Variants in GMDS observed in about 807,000 individuals in gnomAD.
GMDS encodes the protein GDP-mannose 4,6-dehydratase, also known as GDP-mannose 4,6 dehydratase.
A neutral mutation model predicts 49.9 loss-of-function variants in GMDS; 20 were observed. That is an observed-to-expected ratio of 0.40 (90% confidence interval 0.28 to 0.58). The LOEUF is 0.58. Among genes scored for constraint, GMDS ranks in the 20% least tolerant of loss-of-function variants. GMDS has a pLI of 0.42. For missense variants in GMDS, 362 were observed against 481.4 expected, an observed-to-expected ratio of 0.75 and a Z score of 2.32; for synonymous variants, 177 against 178.6, an observed-to-expected ratio of 0.99 and a Z score of 0.07.
intron 4 of GMDS, among the ~76,000 whole-genome samples, chr6:2,005,462 C>T (rs1767102046): frequency 1.3e-5 from 2 of 152,162 alleles, no homozygotes; most frequent in African/African-American, 4.8e-5. Context: ...GAGTTGCATC[C>T]TAAATCAACT....
At chr6:2,066,889 G>C (rs534088410) in intron 4 of GMDS, among the ~76,000 whole-genome samples, 9 of 151,880 alleles carry the variant, frequency 5.9e-5, no homozygotes, top group Non-Finnish European at 1.0e-4. Flanking sequence ...CCCAGGAATT[G>C]AACTCAGCTC....
chr6:2,112,422 A>G (rs1044898297), intron 4 of GMDS, among the ~76,000 whole-genome samples: 2 of 152,158 alleles, frequency 1.3e-5, no homozygotes, highest in African/African-American at 4.8e-5. Context: ...AGAAACCTGA[A>G]ACACTAGAAC....
chr6:1,936,874 C>T (rs371399475), intron 6 of GMDS, among the ~76,000 whole-genome samples: 3 of 149,364 alleles, frequency 2.0e-5, no homozygotes, highest in African/African-American at 5.0e-5. Flanking sequence ...GGCTGAGGCA[C>T]GAAAATCATT....
At position 2,157,204 on chromosome 6, in the gene GMDS, A is replaced by G. The variant is rs58755559; in HGVS notation, c.103-32473T>C. ...TTACTTGACATCTTATTAACATGAA[A>G]GTTCTAATTTCAGTATGATTGGGCA... On this transcript the variant is annotated intron_variant, in intron 1 of 10. Transcript: ENST00000380815. Among the ~76,000 whole-genome samples the G allele has an allele frequency of 2.9e-3, 440 of 152,316 alleles. 1 individual carries two copies. Among genetic ancestry groups the G allele is most frequent in the African/African-American group, 0.01 (419 of 41,568 alleles).
chr6:1,982,834 T>C (rs1252121050), intron 4 of GMDS, among the ~76,000 whole-genome samples: 1 of 152,176 alleles, frequency 6.6e-6, no homozygotes, highest in East Asian at 1.9e-4. Context: ...GCTATTCCCA[T>C]TAAACTACCA....
At chr6:1,746,286 C>T (rs1190134048) in intron 7 of GMDS, among the ~76,000 whole-genome samples, 1 of 152,140 alleles carries the variant, frequency 6.6e-6, no homozygotes, top group African/African-American at 2.4e-5. Flanking sequence ...TTTTGGTGTC[C>T]TTTGAGGATG....
chr6:1,726,076 C>A (rs1281404365), intron 9 of GMDS, among the ~76,000 whole-genome samples: 1 of 152,148 alleles, frequency 6.6e-6, no homozygotes, highest in Non-Finnish European at 1.5e-5. Flanking sequence ...TCTGGGACAG[C>A]GTTGTTAAGT....
At chr6:1,864,939 T>C (rs989080819) in intron 7 of GMDS, among the ~76,000 whole-genome samples, 21 of 152,368 alleles carry the variant, frequency 1.4e-4, no homozygotes, top group African/African-American at 5.1e-4. Flanking sequence ...TTGTTTCCTT[T>C]GCCTTGTTTT....
intron 4 of GMDS, among the ~76,000 whole-genome samples, chr6:1,967,355 G>A (rs903953017): frequency 6.6e-6 from 1 of 152,178 alleles, no homozygotes; most frequent in African/African-American, 2.4e-5. Flanking sequence ...AGTGAATGAA[G>A]ACAGTGAGTA....
At chr6:1,767,719 T>C (rs1447023807) in intron 7 of GMDS, among the ~76,000 whole-genome samples, 1 of 152,190 alleles carries the variant, frequency 6.6e-6, no homozygotes, top group Non-Finnish European at 1.5e-5. Flanking sequence ...ATTCTCCTCA[T>C]CCCTTCACTG....
chr6:2,142,388 C>T (rs985021300), intron 1 of GMDS, among the ~76,000 whole-genome samples: 1 of 151,752 alleles, frequency 6.6e-6, no homozygotes, highest in Non-Finnish European at 1.5e-5. Flanking sequence ...AGTAGGTGGC[C>T]CCTAATCCAA....
chr6:2,137,275 G>A (rs1203641034), intron 1 of GMDS, among the ~76,000 whole-genome samples: 2 of 150,334 alleles, frequency 1.3e-5, no homozygotes, highest in African/African-American at 4.9e-5. Flanking sequence ...TTTCAAATTA[G>A]TTCATTCAAA....
At chr6:2,031,476 T>G in intron 4 of GMDS, among the ~76,000 whole-genome samples, 1 of 150,134 alleles carries the variant, frequency 6.7e-6, no homozygotes. Context: ...TATAGACCAG[T>G]GTAAGTGCTT....
At chr6:1,990,499 G>A (rs186318019) in intron 4 of GMDS, among the ~76,000 whole-genome samples, 1 of 152,274 alleles carries the variant, frequency 6.6e-6, no homozygotes, top group Admixed American at 6.5e-5. Context: ...CTGTTGATCA[G>A]TCAATTAACC....
intron 9 of GMDS, among the ~76,000 whole-genome samples, chr6:1,629,036 A>T (rs553159319): frequency 2.0e-5 from 3 of 152,334 alleles, no homozygotes; most frequent in African/African-American, 7.2e-5. Flanking sequence ...GCTAAACAAC[A>T]ACAAAAAGCC....
intron 7 of GMDS, among the ~76,000 whole-genome samples, chr6:1,923,489 G>A (rs903473370): frequency 1.8e-4 from 28 of 152,214 alleles, no homozygotes; most frequent in Non-Finnish European, 2.8e-4. Context: ...ACACTCACAC[G>A]AAGATTGCTC....
chr6:2,241,913 C>G (rs116138095), intron 1 of GMDS, among the ~76,000 whole-genome samples: 1 of 152,328 alleles, frequency 6.6e-6, no homozygotes, highest in Non-Finnish European at 1.5e-5. Context: ...GCCTTGGACA[C>G]TGCAGACATG....
At chr6:1,743,950 TGAA>T (rs1203724120) in intron 7 of GMDS, among the ~76,000 whole-genome samples, 1 of 152,204 alleles carries the variant, frequency 6.6e-6, no homozygotes, top group African/African-American at 2.4e-5. Flanking sequence ...ATATGTGCAT[TGAA>T]CTCTCGTTCC....
At chr6:1,968,984 T>A (rs951189010) in intron 4 of GMDS, among the ~76,000 whole-genome samples, 1 of 151,726 alleles carries the variant, frequency 6.6e-6, no homozygotes, top group South Asian at 2.1e-4. Context: ...GAAATTGGCC[T>A]GGTGCGGTGG....
Sources: allele counts gnomAD v4.1 joint callset (sites outside exome capture counted in the v4.1 genomes callset), GRCh38; gene constraint gnomAD v4.1.1; transcripts MANE v1.5; gene names NCBI Gene and HGNC (gene_info 2026-07-23, HGNC 2026-07-21).